CCDC85A: variants seen among roughly 807,000 people sequenced by gnomAD.
The protein encoded by CCDC85A is coiled-coil domain-containing protein 85A.
A neutral mutation model predicts 50.2 loss-of-function variants in CCDC85A; 38 were observed. The ratio of observed to expected loss-of-function variants is 0.76; its 90% CI spans 0.58 to 0.99. CCDC85A has a LOEUF of 0.99. Among genes scored for constraint, CCDC85A ranks in the 50% least tolerant of loss-of-function variants. The pLI is 0.00. For synonymous variants in CCDC85A, 366 were observed against 301.4 expected (o/e 1.21, Z -2.22); for missense variants, 820 against 742.0 (o/e 1.11, Z -1.22).
chr2:56,383,482 A>G (rs1250358387), intron 5 of CCDC85A: 9 of 535,418 alleles, frequency 1.7e-5, no homozygotes, highest in African/African-American at 2.1e-5. Flanking sequence ...TTTTACGTTT[A>G]TGCTTACATT....
chr2:56,323,149 T>G (rs937294914), intron 2 of CCDC85A, among the ~76,000 whole-genome samples: 21 of 151,636 alleles, frequency 1.4e-4, no homozygotes, highest in Admixed American at 4.6e-4. Context: ...TGTTGTGGGG[T>G]GGGTGAAGCG....
chr2:56,328,864 T>A (rs1488890468), intron 2 of CCDC85A, among the ~76,000 whole-genome samples: 2 of 152,088 alleles, frequency 1.3e-5, no homozygotes, highest in South Asian at 4.1e-4. Context: ...CCATAGCAGC[T>A]CCCTCAGTGG....
chr2:56,229,483 GT>G (rs1403882954), intron 2 of CCDC85A, among the ~76,000 whole-genome samples: 1 of 152,102 alleles, frequency 6.6e-6, no homozygotes, highest in Admixed American at 6.6e-5. Context: ...TTAGACCTTA[GT>G]TCTTCAAGCT....
intron 2 of CCDC85A, among the ~76,000 whole-genome samples, chr2:56,266,312 A>G (rs1333052934): frequency 6.6e-6 from 1 of 152,184 alleles, no homozygotes; most frequent in Non-Finnish European, 1.5e-5. Flanking sequence ...GTATGCCCCT[A>G]TAGTCCCAAC....
intron 5 of CCDC85A, among the ~76,000 whole-genome samples, chr2:56,381,528 A>T (rs983373285): frequency 6.6e-6 from 1 of 152,070 alleles, no homozygotes; most frequent in African/African-American, 2.4e-5. Context: ...AAGAACCCGA[A>T]CACTCTAATT....
At chr2:56,344,005 T>A (rs1674507230) in intron 3 of CCDC85A, among the ~76,000 whole-genome samples, 1 of 152,146 alleles carries the variant, frequency 6.6e-6, no homozygotes, top group African/African-American at 2.4e-5. Flanking sequence ...GAATCCTTTT[T>A]TCTTTCTTCC....
At chr2:56,342,209 A>C (rs202193341) in intron 2 of CCDC85A, among the ~76,000 whole-genome samples, 1 of 140,170 alleles carries the variant, frequency 7.1e-6, no homozygotes, top group East Asian at 2.1e-4. Context: ...TTTTTTTTTT[A>C]AATTGACCTC....
intron 2 of CCDC85A, among the ~76,000 whole-genome samples, chr2:56,295,151 G>A (rs1671889811): frequency 6.6e-6 from 1 of 151,878 alleles, no homozygotes; most frequent in Non-Finnish European, 1.5e-5. Context: ...TAATTTTAAT[G>A]AATCAGACAC....
intron 2 of CCDC85A, among the ~76,000 whole-genome samples, chr2:56,250,602 C>G (rs1040998308): frequency 6.6e-6 from 1 of 152,092 alleles, no homozygotes; most frequent in Non-Finnish European, 1.5e-5. Flanking sequence ...TTTGGGTTTC[C>G]TGAGAAGCAG....
intron 2 of CCDC85A, among the ~76,000 whole-genome samples, chr2:56,205,487 A>G (rs1236352237): frequency 6.6e-6 from 1 of 152,176 alleles, no homozygotes; most frequent in Non-Finnish European, 1.5e-5. Context: ...ACTAATTAGG[A>G]AGCCATGCAT....
intron 2 of CCDC85A, among the ~76,000 whole-genome samples, chr2:56,329,825 A>C (rs529976240): frequency 6.6e-6 from 1 of 152,218 alleles, no homozygotes; most frequent in East Asian, 1.9e-4. Flanking sequence ...TAAAAAGCCA[A>C]CCATACATGG....
chr2:56,228,085 T>A (rs532057150), intron 2 of CCDC85A, among the ~76,000 whole-genome samples: 1 of 152,212 alleles, frequency 6.6e-6, no homozygotes, highest in African/African-American at 2.4e-5. Flanking sequence ...CATTCCCTCA[T>A]TGGGCATCAG....
At chr2:56,370,031 T>C (rs922549646) in intron 3 of CCDC85A, among the ~76,000 whole-genome samples, 2 of 152,114 alleles carry the variant, frequency 1.3e-5, no homozygotes, top group African/African-American at 2.4e-5. Context: ...ATGGGAGTGT[T>C]AGGGTCATTC....
intron 2 of CCDC85A, among the ~76,000 whole-genome samples, chr2:56,272,876 C>G (rs1422651115): frequency 6.6e-6 from 1 of 151,906 alleles, no homozygotes; most frequent in East Asian, 1.9e-4. Flanking sequence ...AATAGGCAGG[C>G]CAATATTACA....
chr2:56,337,445 A>G (rs1417164026), intron 2 of CCDC85A, among the ~76,000 whole-genome samples: 1 of 152,196 alleles, frequency 6.6e-6, no homozygotes, highest in Admixed American at 6.5e-5. Flanking sequence ...TTGCTTTTCC[A>G]GATAGGTGAC....
chr2:56,184,089 C>A lies in CCDC85A; in HGVS notation c.-536C>A. ...CAGGAGGAGCGCAGCAGCCTTCGGG[C>A]AGCCGCGGCGGCGTCGCTAGAGCAG... On this transcript the variant is annotated 5_prime_UTR_variant, in exon 1 of 6. Coordinates refer to ENST00000407595, the MANE Select transcript of CCDC85A (RefSeq NM_001080433.2). 1.0e-6 allele frequency: 1 copy of A among 985,240 alleles called. No individual in the cohort carries two copies. Among genetic ancestry groups the A allele is most frequent in the Non-Finnish European group, 1.2e-6 (1 of 829,936 alleles). The allele number at this position is 985,240 out of a possible 1,614,324, so 61.0% of individuals were successfully genotyped here. A position where few individuals can be genotyped will look rare whatever the true frequency, so the allele number is the denominator to read the frequency against.
chr2:56,193,853 A>C (rs1676423233), intron 2 of CCDC85A, among the ~76,000 whole-genome samples: 1 of 152,238 alleles, frequency 6.6e-6, no homozygotes, highest in African/African-American at 2.4e-5. Context: ...AAGGATTTTG[A>C]ATCCAGTTAA....
intron 2 of CCDC85A, among the ~76,000 whole-genome samples, chr2:56,270,793 A>G (rs986020360): frequency 6.6e-6 from 1 of 152,202 alleles, no homozygotes; most frequent in African/African-American, 2.4e-5. Flanking sequence ...GTAGGAACTC[A>G]AGGCAGACAG....
At chr2:56,233,250 G>A (rs1668852230) in intron 2 of CCDC85A, among the ~76,000 whole-genome samples, 1 of 151,754 alleles carries the variant, frequency 6.6e-6, no homozygotes, top group African/African-American at 2.4e-5. Flanking sequence ...GAGACTGACA[G>A]GGTTAAGTCA....
Sources: allele counts gnomAD v4.1 joint callset (sites outside exome capture counted in the v4.1 genomes callset), GRCh38; gene constraint gnomAD v4.1.1; transcripts MANE v1.5; gene names NCBI Gene and HGNC (gene_info 2026-07-23, HGNC 2026-07-21).